Variants in BAHCC1 observed in about 807,000 individuals in gnomAD.
The protein encoded by BAHCC1 is BAH and coiled-coil domain-containing protein 1.
A neutral mutation model predicts 88.2 loss-of-function variants in BAHCC1; 43 were observed. The ratio of observed to expected loss-of-function variants is 0.49; its 90% CI spans 0.38 to 0.63. The LOEUF is 0.63. Among genes scored for constraint, BAHCC1 ranks in the 20% least tolerant of loss-of-function variants. The pLI, the probability that BAHCC1 is intolerant of heterozygous loss-of-function variation, is 0.00. For missense variants in BAHCC1, 3,023 were observed against 1,654.8 expected, an observed-to-expected ratio of 1.83 and a Z score of -14.34; for synonymous variants, 1,510 against 745.5, an observed-to-expected ratio of 2.03 and a Z score of -16.71.
rs1394112282 is a variant in BAHCC1 at position 81,433,913 on chromosome 17, G to A, written c.359-4457G>A. On this transcript the variant is annotated intron_variant, in intron 3 of 27. Transcript: ENST00000675386. The stretch of plus-strand genomic sequence containing the variant: ...GAAACCCACTGACACCCTGAGTGAC[G>A]GGGGTGTCCCGTGAAGAGCCAGTGC... Among the ~76,000 whole-genome samples the A allele has an allele frequency of 3.3e-5, 5 of 152,174 alleles. No homozygotes were observed. In the East Asian group the frequency reaches 5.8e-4, roughly 18 times the overall value.
In BAHCC1 at chr17:81,435,023, C is replaced by G. The variant is rs1598480054; in HGVS notation, c.359-3347C>G. On this transcript the variant is annotated intron_variant, in intron 3 of 27. Coordinates refer to ENST00000675386, the MANE Select transcript of BAHCC1 (RefSeq NM_001377448.1). The surrounding 1 kb of genome is among the most constrained non-coding windows in gnomAD (Gnocchi z 4.4). ...CAGGAGGAAAGGAAGGGTCCCCTCA[C>G]CCCTGGCCGTCCCCAGCCCCCATTT... 6.6e-6 allele frequency among the ~76,000 whole-genome samples: 1 copy of G among 152,102 alleles called. No individual in the cohort carries two copies. The highest frequency in any genetic ancestry group is 1.9e-4 in the East Asian group (1 of 5,150).
chr17:81,424,873 ATGG>A (rs2143385505), intron 2 of BAHCC1, among the ~76,000 whole-genome samples: 1 of 135,590 alleles, frequency 7.4e-6, no homozygotes, highest in South Asian at 2.5e-4. Context: ...GGTGATGATG[ATGG>A]TAGGTGATGT....
At chr17:81,445,705 C>T in intron 10 of BAHCC1, 24 bp downstream of exon 10, 1 of 717,194 alleles carries the variant, frequency 1.4e-6, no homozygotes, top group South Asian at 1.5e-5. Flanking sequence ...CCTGGCCCGG[C>T]CCACTGTGCT....
Position 81,452,088 on chromosome 17 carries a change from C to G in BAHCC1, c.4297C>G (p.Gln1433Glu). Residue 1433 changes from glutamine to glutamate, a missense_variant, in exon 13 of 28, where the codon CAG becomes GAG. Coordinates refer to ENST00000675386, the MANE Select transcript of BAHCC1 (RefSeq NM_001377448.1). ...KEKQRELARLQRKHDHERDES... is the reference protein window; with the variant it reads ...KEKQRELARLERKHDHERDES... ...GAAGCAGCGGGAGCTGGCCCGCCTGCAGCGCAAGCACGACCATGAGTACGC... is the reference window on the plus strand; with the variant it reads ...GAAGCAGCGGGAGCTGGCCCGCCTGGAGCGCAAGCACGACCATGAGTACGC... The G allele has an allele frequency of 1.6e-6, 1 of 634,368 alleles. No homozygotes were observed. 39.3% of individuals were successfully genotyped at this position (634,368 alleles called of 1,614,324 possible). A position where few individuals can be genotyped will look rare whatever the true frequency, so the allele number is the denominator to read the frequency against.
intron 2 of BAHCC1, among the ~76,000 whole-genome samples, chr17:81,420,536 G>C (rs1247180286): frequency 6.6e-6 from 1 of 152,254 alleles, no homozygotes; most frequent in Non-Finnish European, 1.5e-5. Context: ...TGTGCCCGAG[G>C]ACCTGAGCCA....
chr17:81,460,445 G>A (rs782073752), intron 24 of BAHCC1, 49 bp downstream of exon 24: 2 of 730,046 alleles, frequency 2.7e-6, no homozygotes, highest in East Asian at 2.6e-5. Flanking sequence ...GCTCCACTGT[G>A]TCCAGACGGG....
chr17:81,411,897 C>T lies in BAHCC1; in HGVS notation c.178+11980C>T, dbSNP rs1170989007. 6.6e-6 allele frequency among the ~76,000 whole-genome samples: 1 copy of T among 152,208 alleles called. No individual in the cohort carries two copies. Among genetic ancestry groups the T allele is most frequent in the South Asian group, 2.1e-4 (1 of 4,832 alleles). ...ACTCTTCCCTCCAGCTCAGCGCTTA[C>T]CATCGTATCCCTGCATCCGAGGGTA... On this transcript the variant is annotated intron_variant, in intron 2 of 27. Transcript: ENST00000675386. The surrounding 1 kb of genome is among the most constrained non-coding windows in gnomAD (Gnocchi z 6.2).
chr17:81,443,094 C>G lies in BAHCC1; in HGVS notation c.1745C>G (p.Pro582Arg), dbSNP rs781953437. Reference protein sequence around the residue: ...ASLGYSGPHLPPWGVQAGQGT... With the variant: ...ASLGYSGPHLRPWGVQAGQGT... ...CTGGGCTACAGTGGGCCCCACCTGC[C>G]CCCATGGGGTGTCCAGGCAGGCCAG... Residue 582 changes from proline (P) to arginine (R), a missense_variant, in exon 5 of 28, where the codon CCC (proline) becomes CGC (arginine). By Grantham distance (103) the Pro-to-Arg change is moderately radical. Coordinates refer to ENST00000675386, the MANE Select transcript of BAHCC1 (RefSeq NM_001377448.1). The G allele has an allele frequency of 2.6e-6, 2 of 778,190 alleles. No individual in the cohort carries two copies. Among genetic ancestry groups the G allele is most frequent in the Non-Finnish European group, 4.8e-6 (2 of 417,464 alleles). 48.2% of individuals were successfully genotyped at this position (778,190 alleles called of 1,614,324 possible).
At chr17:81,413,649 C>T (rs956870082) in intron 2 of BAHCC1, among the ~76,000 whole-genome samples, 3 of 152,208 alleles carry the variant, frequency 2.0e-5, no homozygotes, top group South Asian at 2.1e-4. Context: ...GCCACAAGGC[C>T]GCGGGGGCTG....
chr17:81,454,488 C>A (rs1177604442), intron 14 of BAHCC1, among the ~76,000 whole-genome samples: 3 of 152,190 alleles, frequency 2.0e-5, no homozygotes, highest in Admixed American at 6.5e-5. Flanking sequence ...CTGAGCCCGG[C>A]AACGGGGTCC....
rs1555658717 is a variant in BAHCC1 at position 81,460,257 on chromosome 17, C to G, written c.5906-20C>G. On this transcript the variant is annotated intron_variant, in intron 23 of 27. Coordinates refer to ENST00000675386, the MANE Select transcript of BAHCC1 (RefSeq NM_001377448.1). ...GCCTACTGGGGGTTCCAGCTGCAAG[C>G]TCAGGTGTGCCGTCCACAGGGGCCT... 2.7e-6 allele frequency: 2 copies of G among 749,430 alleles called. No homozygotes were observed. Among genetic ancestry groups the G allele is most frequent in the African/African-American group, 1.7e-5 (1 of 58,360 alleles). 46.4% of individuals were successfully genotyped at this position (749,430 alleles called of 1,614,324 possible).
intron 27 of BAHCC1, 73 bp downstream of exon 27, chr17:81,463,049 T>C (rs1479537879): frequency 2.8e-6 from 2 of 715,652 alleles, no homozygotes; most frequent in African/African-American, 1.7e-5. Context: ...CAGCCAGCAC[T>C]GTGCCCCAAC....
rs916239095 is a variant in BAHCC1, at chr17:81,411,388, G to T, written c.178+11471G>T. ...GTGCCCTGTGGGTGGGAGCACTGCT[G>T]GCTCCATCCTCCACTGCATTCAAAT... On this transcript the variant is annotated intron_variant, in intron 2 of 27. Transcript: ENST00000675386. The surrounding 1 kb of genome is among the most constrained non-coding windows in gnomAD (Gnocchi z 6.2). Among the ~76,000 whole-genome samples the T allele has an allele frequency of 1.3e-5, 2 of 151,284 alleles. No individual in the cohort carries two copies. The highest frequency in any genetic ancestry group is 1.5e-5 in the Non-Finnish European group (1 of 67,794).
intron 3 of BAHCC1, among the ~76,000 whole-genome samples, chr17:81,428,824 A>G (rs1173765638): frequency 2.0e-5 from 3 of 152,092 alleles, no homozygotes; most frequent in Admixed American, 6.5e-5. Flanking sequence ...AGCCCCTCAC[A>G]TGGGGCCCGG....
intron 3 of BAHCC1, among the ~76,000 whole-genome samples, chr17:81,436,264 C>A (rs1459734652): frequency 6.6e-6 from 1 of 152,232 alleles, no homozygotes; most frequent in Non-Finnish European, 1.5e-5. Flanking sequence ...GCCCAGGGGC[C>A]ACCAGCCAAG....
chr17:81,445,246 T>C, intron 9 of BAHCC1, 68 bp downstream of exon 9: 1 of 722,346 alleles, frequency 1.4e-6, no homozygotes, highest in Non-Finnish European at 2.6e-6. Flanking sequence ...CGGACCTGGC[T>C]CCAGGAGACC....
In BAHCC1 at chr17:81,457,610, C is replaced by G. The variant is rs782803684; in HGVS notation, c.5041+18C>G. On this transcript the variant is annotated intron_variant, in intron 17 of 27. Coordinates refer to ENST00000675386, the MANE Select transcript of BAHCC1 (RefSeq NM_001377448.1). ...GTTGCTAGGTAACCAGGAGGGAGGA[C>G]AGGGGTTGCTAGGTAACCAGGAGGG... The G allele has an allele frequency of 1.0e-5, 7 of 701,426 alleles. No homozygotes were observed. Among genetic ancestry groups the G allele is most frequent in the South Asian group, 7.8e-5 (5 of 63,992 alleles). The allele number at this position is 701,426 out of a possible 1,614,324, so 43.5% of individuals were successfully genotyped here.
chr17:81,462,183 G>C, intron 26 of BAHCC1, 137 bp downstream of exon 26: 1 of 596,686 alleles, frequency 1.7e-6, no homozygotes, highest in Non-Finnish European at 3.0e-6. Context: ...AAACTCAAGG[G>C]AAGAACAAAG....
At chr17:81,436,868 A>C (rs1206542429) in intron 3 of BAHCC1, among the ~76,000 whole-genome samples, 1 of 151,988 alleles carries the variant, frequency 6.6e-6, no homozygotes, top group Non-Finnish European at 1.5e-5. Context: ...TCCGTGTCGC[A>C]GGACTTCCCA....
Sources: gnomAD v4.1 joint callset for allele counts (sites outside exome capture counted in the v4.1 genomes callset) on GRCh38, gnomAD v4.1.1 for gene constraint, Gnocchi (gnomAD v3.1) non-coding constraint, MANE v1.5 for transcripts, NCBI Gene and HGNC (gene_info 2026-07-23, HGNC 2026-07-21) for gene names.